AKAP10: variants seen among roughly 807,000 people sequenced by gnomAD.
AKAP10 encodes the protein A-kinase anchoring protein 10.
A neutral mutation model predicts 80.8 loss-of-function variants in AKAP10; 24 were observed. The observed-to-expected ratio is 0.30, with a 90% CI of 0.22 to 0.42. The LOEUF is 0.42. AKAP10 is among the 10% of genes least tolerant of loss of function. AKAP10 has a pLI of 1.00. For missense variants in AKAP10, 661 were observed against 794.9 expected (o/e 0.83, Z 2.03); for synonymous variants, 291 against 277.7 (o/e 1.05, Z -0.48).
In AKAP10 at chr17:19,905,946, TG is replaced by T; in HGVS notation, c.*280del. 4.7e-6 allele frequency: 2 copies of T among 430,008 alleles called. No individual in the cohort carries two copies. The highest frequency in any genetic ancestry group is 3.8e-5 in the East Asian group (1 of 26,156). The allele number at this position is 430,008 out of a possible 1,614,324, so 26.6% of individuals were successfully genotyped here. A position where few individuals can be genotyped will look rare whatever the true frequency, so the allele number is the denominator to read the frequency against. On this transcript the variant is annotated 3_prime_UTR_variant, in exon 15 of 15. Coordinates refer to ENST00000225737, the MANE Select transcript of AKAP10 (RefSeq NM_007202.4). Reference sequence around the variant, plus strand: ...CAGTAGGCTAAAACACTCTCATAAATGGGTTATTGCCATTGGAAAACTAATA... The same window carrying T: ...CAGTAGGCTAAAACACTCTCATAAATGGTTATTGCCATTGGAAAACTAATA...
chr17:19,924,625 T>C lies in AKAP10; in HGVS notation c.1642-108A>G, dbSNP rs1160856709. On this transcript the variant is annotated intron_variant, in intron 10 of 14. Transcript: ENST00000225737. ...TTCAGTGTTTGAAATAGAAGTAACT[T>C]TCACTCAACCTCATCACTATTAAGA... 5.3e-6 allele frequency: 3 copies of C among 569,838 alleles called. No homozygotes were observed. The African/African-American group carries it at 5.8e-5, about 11-fold the overall frequency. The allele number at this position is 569,838 out of a possible 1,614,324, so 35.3% of individuals were successfully genotyped here.
chr17:19,917,817 G>T (rs1212011748), intron 12 of AKAP10, among the ~76,000 whole-genome samples: 1 of 152,032 alleles, frequency 6.6e-6, no homozygotes, highest in African/African-American at 2.4e-5. Context: ...CAGCTACTTG[G>T]GAGGCTGAGG....
At position 19,977,739 on chromosome 17, in the gene AKAP10, C is replaced by T. The variant is rs1465551018; in HGVS notation, c.-60G>A. The T allele has an allele frequency of 9.1e-7, 1 of 1,103,130 alleles. No homozygotes were observed. Among genetic ancestry groups the T allele is most frequent in the East Asian group, 3.2e-5 (1 of 31,144 alleles). The allele number at this position is 1,103,130 out of a possible 1,614,324, so 68.3% of individuals were successfully genotyped here. On this transcript the variant is annotated 5_prime_UTR_variant, in exon 1 of 15. Transcript: ENST00000225737. ...GCCGCTGCACTAGCGCGAAAAGGGA[C>T]CCTTCTTCCGGGAGTGGGCCCCACC... is the stretch of plus-strand genomic sequence containing the variant.
At chr17:19,972,772 C>T (rs1039382810) in intron 1 of AKAP10, among the ~76,000 whole-genome samples, 1 of 152,082 alleles carries the variant, frequency 6.6e-6, no homozygotes, top group South Asian at 2.1e-4. Flanking sequence ...TAAGTTTTAA[C>T]GTAGTCAAAT....
chr17:19,937,973 AC>A (rs1228959445), intron 8 of AKAP10, among the ~76,000 whole-genome samples: 2 of 146,302 alleles, frequency 1.4e-5, no homozygotes, highest in African/African-American at 2.5e-5. Flanking sequence ...GGGACTGGAA[AC>A]CTTTTTTTTT....
In AKAP10 at chr17:19,905,978, C is replaced by A; in HGVS notation, c.*249G>T. The A allele has an allele frequency of 2.0e-6, 1 of 491,878 alleles. No homozygotes were observed. The highest frequency in any genetic ancestry group is 3.7e-6 in the Non-Finnish European group (1 of 272,404). The allele number at this position is 491,878 out of a possible 1,614,324, so 30.5% of individuals were successfully genotyped here. A position where few individuals can be genotyped will look rare whatever the true frequency, so the allele number is the denominator to read the frequency against. ...TTGCCATTGGAAAACTAATAATTTTCTAGTAATGTAAACAATACCATTTTG... is the reference window on the plus strand; with the variant it reads ...TTGCCATTGGAAAACTAATAATTTTATAGTAATGTAAACAATACCATTTTG... On this transcript the variant is annotated 3_prime_UTR_variant, in exon 15 of 15. Coordinates refer to ENST00000225737, the MANE Select transcript of AKAP10 (RefSeq NM_007202.4).
chr17:19,936,299 G>A lies in AKAP10; in HGVS notation c.1454C>T (p.Thr485Ile). Residue 485 changes from threonine to isoleucine, a missense_variant, in exon 9 of 15, where the codon ACA becomes ATA. Coordinates refer to ENST00000225737, the MANE Select transcript of AKAP10 (RefSeq NM_007202.4). The part of the protein sequence containing the change: ...CFTTPLRQAW[T>I]TMEKVFLPGF... ...GTTCTGGGTTACCTTCTCCATGGTT[G>A]TCCAGGCCTGACGTAATGGAGTTGT... 6.2e-7 allele frequency: 1 copy of A among 1,612,912 alleles called. No homozygotes were observed. Among genetic ancestry groups the A allele is most frequent in the Non-Finnish European group, 8.5e-7 (1 of 1,179,334 alleles).
intron 5 of AKAP10, among the ~76,000 whole-genome samples, chr17:19,946,235 T>TAAA (rs1282696434): frequency 0.062 from 1,087 of 17,532 alleles, 96 homozygotes; most frequent in Non-Finnish European, 0.081. Context: ...TATATATATA[T>TAAA]ATTATATATA....
chr17:19,960,091 A>G (rs1040353643), intron 3 of AKAP10, among the ~76,000 whole-genome samples: 9 of 152,172 alleles, frequency 5.9e-5, no homozygotes, highest in African/African-American at 2.2e-4. Context: ...TAAAAAAATA[A>G]TAATACCTAG....
At chr17:19,936,465 T>G in intron 8 of AKAP10, 35 bp from the exon 9 acceptor site, 2 of 1,577,646 alleles carry the variant, frequency 1.3e-6, no homozygotes, top group South Asian at 2.3e-5. Flanking sequence ...AAAATCAAAT[T>G]CCATAGCAAG....
chr17:19,921,296 T>G (rs541666605), intron 11 of AKAP10, among the ~76,000 whole-genome samples: 1 of 151,678 alleles, frequency 6.6e-6, no homozygotes, highest in Non-Finnish European at 1.5e-5. Context: ...GCCTCTCGAG[T>G]AGCTGGGACT....
rs77773171 is a variant in AKAP10 at position 19,904,529 on chromosome 17, T to A, written c.*1698A>T. 6.6e-6 allele frequency: 1 copy of A among 152,310 alleles called. No individual in the cohort carries two copies. The highest frequency in any genetic ancestry group is 1.5e-5 in the Non-Finnish European group (1 of 68,032). The allele number at this position is 152,310 out of a possible 1,614,324, so 9.4% of individuals were successfully genotyped here. ...CTTTATATTGCTTTTCTGTTAAAGA[T>A]TGAAGCAATGTGAAGTGGATGGAAA... On this transcript the variant is annotated 3_prime_UTR_variant, in exon 15 of 15. Transcript: ENST00000225737.
At chr17:19,913,300 G>A (rs368144668) in intron 12 of AKAP10, among the ~76,000 whole-genome samples, 9 of 151,914 alleles carry the variant, frequency 5.9e-5, no homozygotes, top group East Asian at 1.9e-4. Flanking sequence ...CTACAAGCGC[G>A]TGCCACCATG....
At chr17:19,914,478 C>T (rs2042723190) in intron 12 of AKAP10, among the ~76,000 whole-genome samples, 1 of 151,612 alleles carries the variant, frequency 6.6e-6, no homozygotes, top group South Asian at 2.1e-4. Context: ...CCTGTCTCTA[C>T]AAAAAGTAAA....
chr17:19,914,878 G>A (rs2042728912), intron 12 of AKAP10, among the ~76,000 whole-genome samples: 1 of 152,110 alleles, frequency 6.6e-6, no homozygotes, highest in Non-Finnish European at 1.5e-5. Context: ...AGTCCAATGA[G>A]AGCTCAGTCC....
chr17:19,935,208 T>C (rs773122811), intron 9 of AKAP10, among the ~76,000 whole-genome samples: 34 of 152,156 alleles, frequency 2.2e-4, no homozygotes, highest in Non-Finnish European at 3.8e-4. Context: ...TAGGCCACTA[T>C]TGCAATGGTA....
At chr17:19,940,695 T>C (rs535995891) in intron 7 of AKAP10, among the ~76,000 whole-genome samples, 192 bp downstream of exon 7, 2 of 152,358 alleles carry the variant, frequency 1.3e-5, no homozygotes, top group South Asian at 4.1e-4. Context: ...AGTTATTTAA[T>C]ACATTGAATT....
At chr17:19,930,195 A>G (rs1041343420) in intron 10 of AKAP10, among the ~76,000 whole-genome samples, 5 of 152,160 alleles carry the variant, frequency 3.3e-5, no homozygotes, top group African/African-American at 1.2e-4. Context: ...TGAAAATTCA[A>G]AGGGTTATTT....
At chr17:19,937,298 T>C (rs1317373033) in intron 8 of AKAP10, among the ~76,000 whole-genome samples, 1 of 152,160 alleles carries the variant, frequency 6.6e-6, no homozygotes, top group African/African-American at 2.4e-5. Context: ...GGTCAGGAGT[T>C]CAAGACCGGC....
Sources: allele counts gnomAD v4.1 joint callset (sites outside exome capture counted in the v4.1 genomes callset), GRCh38; gene constraint gnomAD v4.1.1; transcripts MANE v1.5; gene names NCBI Gene and HGNC (gene_info 2026-07-23, HGNC 2026-07-21).